Variants in JAZF1 observed in about 807,000 individuals in gnomAD.
JAZF1 encodes JAZF zinc finger 1, also known as juxtaposed with another zinc finger protein 1.
A neutral mutation model predicts 26.4 loss-of-function variants in JAZF1; 8 were observed. The observed-to-expected ratio is 0.30, with a 90% CI of 0.18 to 0.55. JAZF1 has a LOEUF of 0.55. Ranked by LOEUF, JAZF1 falls within the 20% of genes least tolerant of loss-of-function variation. JAZF1 has a pLI of 0.94. For missense variants in JAZF1, 199 were observed against 322.0 expected, an observed-to-expected ratio of 0.62 and a Z score of 2.92; for synonymous variants, 126 against 122.3, an observed-to-expected ratio of 1.03 and a Z score of -0.20.
chr7:27,953,298 C>G (rs2128355267), intron 2 of JAZF1, among the ~76,000 whole-genome samples: 1 of 152,274 alleles, frequency 6.6e-6, no homozygotes, highest in Admixed American at 6.5e-5. Context: ...TTTTTGTTAA[C>G]TATAGCCAAG....
In JAZF1 at chr7:27,995,148, G is replaced by A. The variant is rs1048740478; in HGVS notation, c.116-3167C>T. Among the ~76,000 whole-genome samples, 7 of 152,082 alleles carry A rather than the reference G, an allele frequency of 4.6e-5. No homozygotes were observed. The East Asian group carries it at 9.6e-4, about 21-fold the overall frequency. ...AGATATTTTTTGAACATGATAAATC[G>A]CTACACTAAGGAATATAATATGAAA... On this transcript the variant is annotated intron_variant, in intron 1 of 4. Coordinates refer to ENST00000283928, the MANE Select transcript of JAZF1 (RefSeq NM_175061.4).
intron 1 of JAZF1, among the ~76,000 whole-genome samples, chr7:28,044,661 T>C (rs10951190): frequency 0.72 from 109,184 of 152,160 alleles, 41,954 homozygotes; most frequent in Non-Finnish European, 0.88. Flanking sequence ...TAGTTTTTAA[T>C]TAAAAATGAC....
chr7:27,987,548 G>C (rs1400612548), intron 2 of JAZF1, among the ~76,000 whole-genome samples: 1 of 151,366 alleles, frequency 6.6e-6, no homozygotes, highest in Non-Finnish European at 1.5e-5. Context: ...CCGGCCAGCC[G>C]CCCTGTCCGG....
At chr7:27,866,876 T>C (rs1404287676) in intron 3 of JAZF1, among the ~76,000 whole-genome samples, 1 of 152,232 alleles carries the variant, frequency 6.6e-6, no homozygotes, top group East Asian at 1.9e-4. Flanking sequence ...GCTGTCTCTC[T>C]GGCCTCGAGG....
At chr7:27,899,358 G>A (rs938070177) in intron 2 of JAZF1, among the ~76,000 whole-genome samples, 2 of 152,238 alleles carry the variant, frequency 1.3e-5, no homozygotes, top group Non-Finnish European at 2.9e-5. Context: ...AGCAAGTCAT[G>A]TGACTCAGTG....
At chr7:27,854,299 C>A (rs557658138) in intron 3 of JAZF1, among the ~76,000 whole-genome samples, 2 of 152,280 alleles carry the variant, frequency 1.3e-5, no homozygotes, top group East Asian at 3.9e-4. Context: ...TACAGTACAC[C>A]AATGAGTCTT....
intron 1 of JAZF1, among the ~76,000 whole-genome samples, chr7:28,051,161 G>T (rs1403344371): frequency 1.4e-5 from 2 of 142,220 alleles, no homozygotes; most frequent in East Asian, 2.1e-4. Context: ...AAAAAACAAA[G>T]TCTACTACTA....
chr7:28,178,972 T>C (rs1300651701), intron 1 of JAZF1, among the ~76,000 whole-genome samples: 2 of 152,226 alleles, frequency 1.3e-5, no homozygotes, highest in Non-Finnish European at 2.9e-5. Context: ...CATTCAACAC[T>C]TATTAAGCAG....
intron 2 of JAZF1, among the ~76,000 whole-genome samples, chr7:27,986,806 C>G (rs1785723462): frequency 6.6e-6 from 1 of 152,208 alleles, no homozygotes; most frequent in Non-Finnish European, 1.5e-5. Context: ...CAGGCGCGCG[C>G]TGCCATGCCT....
intron 1 of JAZF1, among the ~76,000 whole-genome samples, chr7:28,115,897 T>C (rs1048821773): frequency 2.0e-5 from 3 of 151,488 alleles, no homozygotes; most frequent in African/African-American, 4.9e-5. Flanking sequence ...ATACTATATA[T>C]GGTTCTATAC....
At chr7:27,929,731 C>T (rs1784655592) in intron 2 of JAZF1, among the ~76,000 whole-genome samples, 1 of 152,040 alleles carries the variant, frequency 6.6e-6, no homozygotes, top group East Asian at 1.9e-4. Context: ...TAAGCTGTTG[C>T]AAAGCGCAGA....
intron 2 of JAZF1, chr7:27,913,273 T>C (rs189598409): frequency 1.6e-4 from 30 of 193,466 alleles, no homozygotes; most frequent in Non-Finnish European, 2.7e-4. Flanking sequence ...TATGTATTTA[T>C]ATATATTATA....
At chr7:27,973,777 G>A (rs567265300) in intron 2 of JAZF1, among the ~76,000 whole-genome samples, 1 of 152,320 alleles carries the variant, frequency 6.6e-6, no homozygotes, top group Admixed American at 6.5e-5. Flanking sequence ...GCAAAACAAT[G>A]GAAGGTTTTC....
intron 3 of JAZF1, among the ~76,000 whole-genome samples, chr7:27,870,913 G>A (rs551422321): frequency 2.6e-5 from 4 of 152,266 alleles, no homozygotes; most frequent in East Asian, 1.9e-4. Context: ...CATGAGGTTC[G>A]AATAGGGAGT....
At chr7:28,157,140 G>A (rs1444989148) in intron 1 of JAZF1, among the ~76,000 whole-genome samples, 1 of 152,210 alleles carries the variant, frequency 6.6e-6, no homozygotes, top group Admixed American at 6.5e-5. Flanking sequence ...AACCTCCAGA[G>A]TGTCTGCTGG....
intron 2 of JAZF1, among the ~76,000 whole-genome samples, chr7:27,940,653 G>A (rs184560089): frequency 2.0e-5 from 3 of 152,320 alleles, no homozygotes; most frequent in Admixed American, 1.3e-4. Flanking sequence ...GGTGGGTGGC[G>A]TACTTGGGTG....
At chr7:28,053,902 A>T (rs1197270636) in intron 1 of JAZF1, among the ~76,000 whole-genome samples, 1 of 152,178 alleles carries the variant, frequency 6.6e-6, no homozygotes, top group Non-Finnish European at 1.5e-5. Context: ...GCTCTGCATC[A>T]ATCTTTTTAA....
intron 3 of JAZF1, among the ~76,000 whole-genome samples, chr7:27,861,051 C>T (rs1182318649): frequency 5.9e-5 from 9 of 152,240 alleles, no homozygotes; most frequent in Non-Finnish European, 1.5e-5. Context: ...CTTCCTCTTT[C>T]TTCGTTCACC....
chr7:27,930,437 C>T (rs2128349814), intron 2 of JAZF1, among the ~76,000 whole-genome samples: 2 of 152,216 alleles, frequency 1.3e-5, no homozygotes, highest in Middle Eastern at 6.8e-3. Context: ...CAAACCTGAC[C>T]ACTGTTTTCC....
Sources: gnomAD v4.1 joint callset for allele counts (sites outside exome capture counted in the v4.1 genomes callset) on GRCh38, gnomAD v4.1.1 for gene constraint, MANE v1.5 for transcripts, NCBI Gene and HGNC (gene_info 2026-07-23, HGNC 2026-07-21) for gene names.